Variants in SAXO1 observed in about 807,000 individuals in gnomAD.
SAXO1 encodes the protein 4930500O09Rik.
In SAXO1, 21 loss-of-function variants were observed where a neutral mutation model predicts 17.5. The observed-to-expected ratio is 1.20, with a 90% CI of 0.85 to 1.72. SAXO1 has a LOEUF of 1.72. SAXO1 is among the 40% of genes most tolerant of loss of function. The pLI is 0.00. For missense variants in SAXO1, 843 were observed against 596.0 expected (o/e 1.41, Z -4.32); for synonymous variants, 274 against 216.5 (o/e 1.27, Z -2.33).
intron 1 of SAXO1, among the ~76,000 whole-genome samples, chr9:18,986,831 G>C (rs1446687152): frequency 6.6e-6 from 1 of 152,180 alleles, no homozygotes; most frequent in Non-Finnish European, 1.5e-5. Flanking sequence ...TATTCATTTT[G>C]ACAATGTTTT....
chr9:18,935,278 A>G (rs1316452700), intron 3 of SAXO1, among the ~76,000 whole-genome samples: 2 of 152,210 alleles, frequency 1.3e-5, no homozygotes, highest in Non-Finnish European at 2.9e-5. Flanking sequence ...AGTTAAACTT[A>G]AGAACTTTAA....
intron 1 of SAXO1, among the ~76,000 whole-genome samples, chr9:18,998,314 G>A (rs539027087): frequency 5.9e-5 from 9 of 152,196 alleles, no homozygotes; most frequent in African/African-American, 2.2e-4. Context: ...ACTGCATGAA[G>A]CATACACAAG....
At chr9:18,995,103 C>G (rs538932568) in intron 1 of SAXO1, among the ~76,000 whole-genome samples, 1 of 152,156 alleles carries the variant, frequency 6.6e-6, no homozygotes, top group South Asian at 2.1e-4. Context: ...AAATAAGCAC[C>G]AAAAATAAAT....
intron 1 of SAXO1, among the ~76,000 whole-genome samples, chr9:18,954,045 G>T (rs1021504799): frequency 6.6e-6 from 1 of 152,134 alleles, no homozygotes; most frequent in African/African-American, 2.4e-5. Flanking sequence ...TCCAAGAGCT[G>T]CCCTCGCCAC....
At chr9:18,949,383 GA>G (rs35081399) in intron 2 of SAXO1, among the ~76,000 whole-genome samples, 79,798 of 151,898 alleles carry the variant, frequency 0.53, 24,128 homozygotes, top group Non-Finnish European at 0.67. Context: ...CTTGAGCCCA[GA>G]AATTCGAGGC....
intron 1 of SAXO1, among the ~76,000 whole-genome samples, chr9:19,000,341 T>C (rs1322649956): frequency 6.9e-6 from 1 of 144,586 alleles, no homozygotes; most frequent in African/African-American, 2.6e-5. Context: ...CCACCCTGTC[T>C]GGGAAGTGAG....
intron 1 of SAXO1, among the ~76,000 whole-genome samples, chr9:19,013,614 T>G (rs1834847146): frequency 7.3e-6 from 1 of 137,768 alleles, no homozygotes; most frequent in Non-Finnish European, 1.5e-5. Flanking sequence ...TGGTACAATC[T>G]CCGCTCACTG....
intron 1 of SAXO1, among the ~76,000 whole-genome samples, chr9:18,953,725 G>C (rs1445129806): frequency 6.6e-6 from 1 of 152,002 alleles, no homozygotes; most frequent in Non-Finnish European, 1.5e-5. Flanking sequence ...CAAGGACAAA[G>C]ATCAAGTCTG....
intron 2 of SAXO1, among the ~76,000 whole-genome samples, chr9:18,944,435 A>G (rs534809551): frequency 6.6e-6 from 1 of 152,226 alleles, no homozygotes; most frequent in Non-Finnish European, 1.5e-5. Context: ...TTCACGTAAA[A>G]GAAAAGTCTA....
At chr9:19,044,606 G>C (rs564642461) in intron 1 of SAXO1, among the ~76,000 whole-genome samples, 1 of 152,164 alleles carries the variant, frequency 6.6e-6, no homozygotes, top group African/African-American at 2.4e-5. Context: ...GCTCACGCCT[G>C]TAATCCCAGT....
chr9:18,967,422 C>T (rs971398245), intron 1 of SAXO1, among the ~76,000 whole-genome samples: 1 of 152,202 alleles, frequency 6.6e-6, no homozygotes, highest in Non-Finnish European at 1.5e-5. Flanking sequence ...GGGCTGTTGC[C>T]TTTCTTTCAG....
chr9:19,045,316 CAAAAAAAAAAAAAAAAAAA>C (rs575855900), intron 1 of SAXO1, among the ~76,000 whole-genome samples: 6 of 89,338 alleles, frequency 6.7e-5, no homozygotes, highest in East Asian at 1.1e-3. Context: ...GACTCCGTCT[CAAAAAAAAAAAAAAAAAAA>C]AAAAAAAAAA....
chr9:18,928,901 G>T lies in SAXO1; in HGVS notation c.576C>A (p.Ala192=). The change falls in exon 4 of 4, where the codon GCC becomes GCA. Residue 192 remains alanine (A), a synonymous_variant. Transcript: ENST00000380534. ...LVKTISCKPL[A]MPKLCNIPLE... ...AGGGGATGTTACAGAGCTTTGGCAT[G>T]GCCAGAGGTTTACAGCTTATGGTCT... 2 of 1,614,182 alleles carry T rather than the reference G, an allele frequency of 1.2e-6. No homozygotes were observed. The highest frequency in any genetic ancestry group is 8.5e-7 in the Non-Finnish European group (1 of 1,180,028).
At position 19,032,916 on chromosome 9, in the gene SAXO1, ATCC is replaced by A. The variant is rs946016169; in HGVS notation, c.-11_-9del. 9 of 1,608,006 alleles carry A rather than the reference ATCC, an allele frequency of 5.6e-6. No individual in the cohort carries two copies. The Admixed American group carries it at 8.4e-5, about 15-fold the overall frequency. ...GATGCACTTCGTCTTCATAGGGGCG[ATCC>A]TGAGGCCCTGACGTCCCCTCAGAGC... On this transcript the variant is annotated 5_prime_UTR_variant, in exon 1 of 4. Coordinates refer to ENST00000380534, the MANE Select transcript of SAXO1 (RefSeq NM_153707.4).
chr9:19,044,387 TCTC>T (rs1836152643), intron 1 of SAXO1, among the ~76,000 whole-genome samples: 2 of 152,314 alleles, frequency 1.3e-5, no homozygotes. Context: ...GATTAAGATC[TCTC>T]CTATTTCCAA....
In SAXO1 at chr9:18,929,768, T is replaced by A. The variant is rs1044131331; in HGVS notation, c.422-713A>T. Among the ~76,000 whole-genome samples the A allele has an allele frequency of 7.9e-5, 12 of 152,274 alleles. 2 individuals are homozygous for A. Among genetic ancestry groups the A allele is most frequent in the Admixed American group, 4.6e-4 (7 of 15,294 alleles). On this transcript the variant is annotated intron_variant, in intron 3 of 3. Coordinates refer to ENST00000380534, the MANE Select transcript of SAXO1 (RefSeq NM_153707.4). ...AGTTTTATAGATGCAGAAACAGATA[T>A]ACAGAAAATGAGGGAATTTGTCCCA... is the stretch of plus-strand genomic sequence containing the variant.
At chr9:18,941,601 G>A (rs1831561169) in intron 3 of SAXO1, 36 bp downstream of exon 3, 1 of 1,612,080 alleles carries the variant, frequency 6.2e-7, no homozygotes, top group Non-Finnish European at 8.5e-7. Context: ...GGCTCAGCCT[G>A]TCTTTCCCCC....
chr9:19,000,531 C>G (rs1212378156), intron 1 of SAXO1, among the ~76,000 whole-genome samples: 2 of 150,930 alleles, frequency 1.3e-5, no homozygotes, highest in Non-Finnish European at 3.0e-5. Flanking sequence ...GCACAGCTGC[C>G]CCCCTCTAGG....
At chr9:18,963,850 G>C (rs570918844) in intron 1 of SAXO1, among the ~76,000 whole-genome samples, 2 of 152,296 alleles carry the variant, frequency 1.3e-5, no homozygotes, top group African/African-American at 4.8e-5. Context: ...TGGTGAGAGA[G>C]GGCATCCTTG....
Sources: allele counts gnomAD v4.1 joint callset (sites outside exome capture counted in the v4.1 genomes callset), GRCh38; gene constraint gnomAD v4.1.1; transcripts MANE v1.5; gene names NCBI Gene and HGNC (gene_info 2026-07-23, HGNC 2026-07-21).